EXOC4: variants seen among roughly 807,000 people sequenced by gnomAD.
The protein encoded by EXOC4 is exocyst complex component 4.
A neutral mutation model predicts 107.2 loss-of-function variants in EXOC4; 71 were observed. That is an observed-to-expected ratio of 0.66 (90% CI 0.55 to 0.81). The LOEUF (loss-of-function observed/expected upper bound fraction) is 0.81, where lower values mean the gene tolerates loss of function less well. EXOC4 is among the 30% of genes least tolerant of loss of function. The pLI, the probability that EXOC4 is intolerant of heterozygous loss-of-function variation, is 0.00. For missense variants in EXOC4, 1,108 were observed against 1,189.6 expected (o/e 0.93, Z 1.01); for synonymous variants, 456 against 441.2 (o/e 1.03, Z -0.42).
chr7:133,591,853 A>G (rs1801555424), intron 9 of EXOC4, among the ~76,000 whole-genome samples: 1 of 152,166 alleles, frequency 6.6e-6, no homozygotes, highest in Non-Finnish European at 1.5e-5. Context: ...TGCTGTGGCA[A>G]CAAGGTGGAT....
chr7:134,084,795 C>T, the EXOC4 span, among the ~76,000 whole-genome samples: 2 of 149,794 alleles, frequency 1.3e-5, no homozygotes, highest in African/African-American at 4.9e-5. Flanking sequence ...AAAAGAAAAA[C>T]TTCAGCCAAA....
chr7:133,904,093 A>G (rs758241454), intron 12 of EXOC4, among the ~76,000 whole-genome samples: 18 of 151,968 alleles, frequency 1.2e-4, no homozygotes, highest in Non-Finnish European at 2.6e-4. Context: ...TGAGTTTTGC[A>G]GCAAAGGCGA....
At chr7:134,029,001 C>T (rs1262264614) in intron 17 of EXOC4, among the ~76,000 whole-genome samples, 1 of 152,164 alleles carries the variant, frequency 6.6e-6, no homozygotes, top group Non-Finnish European at 1.5e-5. Flanking sequence ...TCTGAGGAGT[C>T]AGGAGGAACC....
chr7:133,512,010 G>A (rs1426915685), intron 9 of EXOC4, among the ~76,000 whole-genome samples: 1 of 152,212 alleles, frequency 6.6e-6, no homozygotes, highest in African/African-American at 2.4e-5. Context: ...GAATTCAGAT[G>A]TCGATGAGAC....
intron 10 of EXOC4, among the ~76,000 whole-genome samples, chr7:133,657,272 T>C (rs554057393): frequency 6.6e-6 from 1 of 152,228 alleles, no homozygotes; most frequent in African/African-American, 2.4e-5. Context: ...TTAAGAAAGC[T>C]TTAGAGTTTT....
chr7:134,071,171 A>T (rs954920959), downstream of EXOC4, among the ~76,000 whole-genome samples: 1 of 152,192 alleles, frequency 6.6e-6, no homozygotes. Flanking sequence ...TACAAGATGT[A>T]TATTATTATC....
At chr7:133,731,952 A>G (rs537206536) in intron 10 of EXOC4, among the ~76,000 whole-genome samples, 5 of 152,216 alleles carry the variant, frequency 3.3e-5, no homozygotes, top group African/African-American at 9.6e-5. Context: ...TATATACCCA[A>G]AGGAACGTAA....
chr7:133,951,321 T>G (rs1461394672), intron 14 of EXOC4, among the ~76,000 whole-genome samples: 2 of 152,214 alleles, frequency 1.3e-5, no homozygotes, highest in Non-Finnish European at 2.9e-5. Flanking sequence ...TTGCTGATGA[T>G]GTCGTCTGTA....
At chr7:133,403,571 T>C (rs962113149) in intron 7 of EXOC4, among the ~76,000 whole-genome samples, 9 of 152,208 alleles carry the variant, frequency 5.9e-5, no homozygotes, top group Admixed American at 5.9e-4. Flanking sequence ...TTTTGGGTGC[T>C]AAGGCAGCTG....
chr7:133,942,124 T>C (rs1254273782), intron 14 of EXOC4, among the ~76,000 whole-genome samples: 2 of 152,148 alleles, frequency 1.3e-5, no homozygotes, highest in Non-Finnish European at 2.9e-5. Context: ...TACACAGAAT[T>C]TGAAGGAGGC....
At chr7:133,297,802 A>G (rs905629479) in intron 3 of EXOC4, among the ~76,000 whole-genome samples, 2 of 152,208 alleles carry the variant, frequency 1.3e-5, no homozygotes, top group African/African-American at 4.8e-5. Flanking sequence ...TGCTACCATC[A>G]TTAATGCATA....
intron 7 of EXOC4, among the ~76,000 whole-genome samples, chr7:133,407,947 T>C (rs920088167): frequency 6.6e-6 from 1 of 152,194 alleles, no homozygotes; most frequent in African/African-American, 2.4e-5. Context: ...AATGGTCAAA[T>C]AATTTATTTG....
At chr7:133,833,120 A>G (rs1294161548) in intron 11 of EXOC4, among the ~76,000 whole-genome samples, 1 of 152,190 alleles carries the variant, frequency 6.6e-6, no homozygotes. Context: ...CACACTGTTA[A>G]AGCTCTAGCA....
chr7:133,827,778 A>C (rs1400160429), intron 11 of EXOC4, among the ~76,000 whole-genome samples: 1 of 152,176 alleles, frequency 6.6e-6, no homozygotes, highest in Non-Finnish European at 1.5e-5. Context: ...AATGAACTGG[A>C]GGACTTTATC....
intron 5 of EXOC4, among the ~76,000 whole-genome samples, chr7:133,351,357 A>T (rs538081610): frequency 4.6e-4 from 70 of 151,938 alleles, no homozygotes; most frequent in Non-Finnish European, 9.7e-4. Context: ...TAGACTACTT[A>T]TTTAATCTCC....
the EXOC4 span, among the ~76,000 whole-genome samples, chr7:134,089,433 C>G: frequency 6.6e-6 from 1 of 152,116 alleles, no homozygotes; most frequent in African/African-American, 2.4e-5. Flanking sequence ...TGGTGAAAAG[C>G]CTTGTTAGTA....
At chr7:134,057,352 G>T (rs1795954178) in intron 17 of EXOC4, among the ~76,000 whole-genome samples, 1 of 146,784 alleles carries the variant, frequency 6.8e-6, no homozygotes, top group East Asian at 2.0e-4. Flanking sequence ...TATACAATCC[G>T]TTGTGAGAAG....
intron 11 of EXOC4, among the ~76,000 whole-genome samples, chr7:133,836,912 G>T (rs770687563): frequency 1.3e-5 from 2 of 152,098 alleles, no homozygotes; most frequent in Non-Finnish European, 2.9e-5. Context: ...GGGGGATGTG[G>T]GAGTGAAGTA....
intron 1 of EXOC4, among the ~76,000 whole-genome samples, chr7:133,265,588 T>C (rs1393352661): frequency 6.6e-6 from 1 of 152,192 alleles, no homozygotes; most frequent in East Asian, 1.9e-4. Flanking sequence ...TAGATTGTGC[T>C]CTGTAGAGCT....
Sources: allele counts gnomAD v4.1 joint callset (sites outside exome capture counted in the v4.1 genomes callset), GRCh38; gene constraint gnomAD v4.1.1; transcripts MANE v1.5; gene names NCBI Gene and HGNC (gene_info 2026-07-23, HGNC 2026-07-21).